PAK3: variants seen among roughly 807,000 people sequenced by gnomAD.
PAK3 encodes serine/threonine-protein kinase PAK 3.
A neutral mutation model predicts 41.0 loss-of-function variants in PAK3; 4 were observed. That is an observed-to-expected ratio of 0.10 (90% CI 0.05 to 0.22). The LOEUF (loss-of-function observed/expected upper bound fraction) is 0.22, where lower values mean the gene tolerates loss of function less well. PAK3 is among the 10% of genes least tolerant of loss of function. The pLI is 1.00. For synonymous variants in PAK3, 146 were observed against 139.6 expected (o/e 1.05, Z -0.32); for missense variants, 205 against 409.9 (o/e 0.50, Z 4.32).
At chrX:111,165,413 C>T (rs752131106) in intron 10 of PAK3, among the ~76,000 whole-genome samples, 27 of 111,896 alleles carry the variant, frequency 2.4e-4, no homozygotes, top group South Asian at 7.5e-4. Flanking sequence ...CCTCATTTTA[C>T]AGACCAGTGA....
chrX:111,094,174 GAGAA>G (rs1290015413), upstream of PAK3, among the ~76,000 whole-genome samples: 1 of 110,396 alleles, frequency 9.1e-6, no homozygotes, highest in Non-Finnish European at 1.9e-5. Flanking sequence ...TGAAGGATTT[GAGAA>G]AGAGTGTTGT....
intron 11 of PAK3, among the ~76,000 whole-genome samples, chrX:111,183,407 A>G (rs191806573): frequency 1.4e-4 from 16 of 111,428 alleles, no homozygotes; most frequent in African/African-American, 4.9e-4. Context: ...TTAGCACCAG[A>G]TTTATATTTG....
At chrX:111,087,989 T>TC (rs2092902682) in intron 1 of PAK3, among the ~76,000 whole-genome samples, 1 of 109,760 alleles carries the variant, frequency 9.1e-6, no homozygotes, top group Non-Finnish European at 1.9e-5. Flanking sequence ...AGTAATGAAA[T>TC]CCCTAATACA....
intron 1 of PAK3, among the ~76,000 whole-genome samples, chrX:111,073,866 A>G (rs1373479678): frequency 8.9e-6 from 1 of 112,201 alleles, no homozygotes; most frequent in Admixed American, 9.4e-5. Flanking sequence ...GGCCAGAATT[A>G]CCTTGATACC....
chrX:110,982,080 A>G (rs1466256206), intron 1 of PAK3, among the ~76,000 whole-genome samples: 2 of 111,417 alleles, frequency 1.8e-5, no homozygotes, highest in East Asian at 5.7e-4. Context: ...AACAGAGGAC[A>G]TGAGTAAAAG....
At chrX:111,211,688 A>AG (rs1475989577) in intron 16 of PAK3, among the ~76,000 whole-genome samples, 3 of 109,344 alleles carry the variant, frequency 2.7e-5, no homozygotes, top group Non-Finnish European at 3.8e-5. Flanking sequence ...AAAAAAAAAA[A>AG]AAAGAAAGAA....
chrX:111,006,781 G>A (rs867445364), intron 1 of PAK3, among the ~76,000 whole-genome samples: 1 of 108,319 alleles, frequency 9.2e-6, no homozygotes, highest in Non-Finnish European at 1.9e-5. Flanking sequence ...GATTCGGAAA[G>A]TCTGTAGTGG....
At chrX:111,006,849 C>CTTTCTTTCTTTCTTTCTTTCTTTT (rs1556434441) in intron 1 of PAK3, among the ~76,000 whole-genome samples, 30 of 42,692 alleles carry the variant, frequency 7.0e-4, no homozygotes, top group Non-Finnish European at 1.2e-3. Flanking sequence ...TTCTTTCTTT[C>CTTTCTTTCTTTCTTTCTTTCTTTT]TTTTTTTTTT....
chrX:111,060,899 A>T (rs187711784), intron 1 of PAK3, among the ~76,000 whole-genome samples: 3,220 of 111,195 alleles, frequency 0.029, 93 homozygotes, highest in African/African-American at 0.086. Context: ...TGATTTTTTT[A>T]AAAAAAATTA....
chrX:111,046,300 A>G (rs1432236637), intron 1 of PAK3, among the ~76,000 whole-genome samples: 1 of 111,601 alleles, frequency 9.0e-6, no homozygotes, highest in Non-Finnish European at 1.9e-5. Context: ...GTTTGTTTAC[A>G]ATAGATGGAA....
At chrX:111,148,952 C>T (rs906736454) in intron 7 of PAK3, among the ~76,000 whole-genome samples, 1 of 111,414 alleles carries the variant, frequency 9.0e-6, no homozygotes, top group African/African-American at 3.3e-5. Context: ...AGTCCAAAGT[C>T]TCATCTTAGA....
intron 1 of PAK3, among the ~76,000 whole-genome samples, chrX:111,041,041 T>C (rs2092448306): frequency 8.9e-6 from 1 of 112,620 alleles, no homozygotes; most frequent in Admixed American, 9.4e-5. Context: ...AGCTCCTTTC[T>C]TCCAGCCCCC....
At chrX:111,010,472 A>G (rs1274482489) in intron 1 of PAK3, among the ~76,000 whole-genome samples, 2 of 111,834 alleles carry the variant, frequency 1.8e-5, no homozygotes, top group African/African-American at 6.5e-5. Flanking sequence ...TAGAAATGTA[A>G]TTCTCAGTGT....
At chrX:111,090,484 G>T (rs1009951005) in intron 1 of PAK3, among the ~76,000 whole-genome samples, 2 of 111,728 alleles carry the variant, frequency 1.8e-5, no homozygotes, top group Non-Finnish European at 3.8e-5. Context: ...TTGCCTTTTG[G>T]TGATTTATTT....
At position 111,163,559 on chromosome X, in the gene PAK3, T is replaced by C; in HGVS notation, c.601-3T>C. Reference sequence around the variant, plus strand: ...TAATTGCAGAGCTTTTTGGTTTTTTTAGATCTATACTCGTTCTGTGGTTGA... The same window carrying C: ...TAATTGCAGAGCTTTTTGGTTTTTTCAGATCTATACTCGTTCTGTGGTTGA... On this transcript the variant is annotated splice_polypyrimidine_tract_variant and splice_region_variant and intron_variant, in intron 9 of 17. Coordinates refer to ENST00000372007, the MANE Select transcript of PAK3 (RefSeq NM_002578.5). 8.3e-7 allele frequency: 1 copy of C among 1,202,430 alleles called. No homozygotes were observed. The highest frequency in any genetic ancestry group is 1.1e-6 in the Non-Finnish European group (1 of 887,142).
At chrX:111,112,839 A>G (rs2093399342) in intron 4 of PAK3, among the ~76,000 whole-genome samples, 1 of 111,357 alleles carries the variant, frequency 9.0e-6, no homozygotes, top group Non-Finnish European at 1.9e-5. Flanking sequence ...TAAATGTAAC[A>G]TCGAAGGTAA....
At chrX:111,024,106 G>A (rs189450149) in intron 1 of PAK3, among the ~76,000 whole-genome samples, 28 of 111,832 alleles carry the variant, frequency 2.5e-4, no homozygotes, top group African/African-American at 9.1e-4. Flanking sequence ...TCAGCTTTCT[G>A]CATATGGCTA....
At position 111,216,531 on chromosome X, in the gene PAK3, G is replaced by A. The variant is rs377693111; in HGVS notation, c.1518G>A (p.Arg506=). 5.9e-4 allele frequency: 708 copies of A among 1,199,078 alleles called. No homozygotes were observed. The highest frequency in any genetic ancestry group is 7.2e-4 in the Non-Finnish European group (635 of 885,406). ...LNRCLEMDVD[R]RGSAKELLQH... is the part of the protein sequence containing the mutation. ...GCTGTCTTGAGATGGATGTGGATAG[G>A]CGAGGATCTGCCAAGGAGCTTTTGC... The change falls in exon 17 of 18, where the codon AGG becomes AGA. Residue 506 remains arginine (R), a synonymous_variant. Coordinates refer to ENST00000372007, the MANE Select transcript of PAK3 (RefSeq NM_002578.5).
intron 1 of PAK3, among the ~76,000 whole-genome samples, chrX:110,968,088 C>T (rs1287090749): frequency 2.7e-5 from 3 of 112,482 alleles, no homozygotes; most frequent in Non-Finnish European, 3.8e-5. Flanking sequence ...TATTATGTGA[C>T]TTTTTGAGAC....
Sources: gnomAD v4.1 joint callset for allele counts (sites outside exome capture counted in the v4.1 genomes callset) on GRCh38, gnomAD v4.1.1 for gene constraint, MANE v1.5 for transcripts, NCBI Gene and HGNC (gene_info 2026-07-23, HGNC 2026-07-21) for gene names.